Variants in SKA1 observed in about 807,000 individuals in gnomAD.
SKA1 encodes the protein SKA complex subunit 1.
Under a neutral mutation model 31.8 loss-of-function variants are expected in SKA1, and 20 were observed. The observed-to-expected ratio is 0.63, with a 90% CI of 0.44 to 0.91. SKA1 has a LOEUF of 0.91. SKA1 is among the 40% of genes least tolerant of loss of function. The pLI is 0.00. For missense variants in SKA1, 253 were observed against 298.2 expected (o/e 0.85, Z 1.12); for synonymous variants, 88 against 100.5 (o/e 0.88, Z 0.74).
At chr18:50,377,290 C>G (rs1250183584) in intron 2 of SKA1, among the ~76,000 whole-genome samples, 1 of 152,108 alleles carries the variant, frequency 6.6e-6, no homozygotes, top group Non-Finnish European at 1.5e-5. Context: ...AATGTTTCAG[C>G]TCCGTTATAA....
rs1225898562 is a variant in SKA1 at position 50,392,951 on chromosome 18, G to C, written c.*704G>C. Reference sequence around the variant, plus strand: ...TCACCGTGTTAGCCAGGATGGTCTCGATCTCCTGACCTCATGATCCGCCCA... The same window carrying C: ...TCACCGTGTTAGCCAGGATGGTCTCCATCTCCTGACCTCATGATCCGCCCA... On this transcript the variant is annotated 3_prime_UTR_variant, in exon 7 of 7. Coordinates refer to ENST00000285116, the MANE Select transcript of SKA1 (RefSeq NM_145060.4). 1 of 151,628 alleles carries C rather than the reference G, an allele frequency of 6.6e-6. No homozygotes were observed. The highest frequency in any genetic ancestry group is 1.5e-5 in the Non-Finnish European group (1 of 67,926). The allele number at this position is 151,628 out of a possible 1,614,324, so 9.4% of individuals were successfully genotyped here.
At chr18:50,375,464 T>C (rs2041206715) in intron 1 of SKA1, among the ~76,000 whole-genome samples, 1 of 152,312 alleles carries the variant, frequency 6.6e-6, no homozygotes, top group African/African-American at 2.4e-5. Flanking sequence ...TCTTTGACAG[T>C]GTAACACATT....
chr18:50,392,159 A>G lies in SKA1; in HGVS notation c.680A>G (p.Lys227Arg), dbSNP rs778126948. 4 of 1,610,392 alleles carry G rather than the reference A, an allele frequency of 2.5e-6. No homozygotes were observed. In the African/African-American group the frequency reaches 4.0e-5, roughly 16 times the overall value. The change falls in exon 7 of 7, where the codon AAG becomes AGG. Residue 227 changes from lysine (K) to arginine (R), a missense_variant. Physicochemically the swap from Lys to Arg is conservative, Grantham distance 26 (BLOSUM62 2). Transcript: ENST00000285116. ...TTCACAACTTTGAAAGCTGACAAGA[A>G]GTTTCACGTGTTACTGAATATTTTA... ...KEFTTLKADK[K>R]FHVLLNILRH...
intron 2 of SKA1, among the ~76,000 whole-genome samples, chr18:50,377,940 C>G (rs1168302056): frequency 1.3e-5 from 2 of 152,146 alleles, no homozygotes; most frequent in Non-Finnish European, 2.9e-5. Context: ...AAGGAGCCCC[C>G]TGACCTCACA....
intron 3 of SKA1, among the ~76,000 whole-genome samples, chr18:50,380,871 A>G (rs1190067291): frequency 6.6e-6 from 1 of 152,200 alleles, no homozygotes; most frequent in African/African-American, 2.4e-5. Flanking sequence ...ATTACCTCAC[A>G]TTGTTAGAGC....
chr18:50,390,738 A>G (rs902107698), intron 5 of SKA1, among the ~76,000 whole-genome samples: 2 of 152,124 alleles, frequency 1.3e-5, no homozygotes, highest in East Asian at 1.9e-4. Context: ...TAGTTTTTGT[A>G]TAGCACTAGA....
chr18:50,391,102 T>C, intron 5 of SKA1, 22 bp from the exon 6 acceptor site: 2 of 1,422,366 alleles, frequency 1.4e-6, no homozygotes, highest in South Asian at 1.5e-5. Flanking sequence ...AAAACAATAA[T>C]TAGCCATATA....
At position 50,381,675 on chromosome 18, in the gene SKA1, C is replaced by A. The variant is rs1306775278; in HGVS notation, c.214-454C>A. On this transcript the variant is annotated intron_variant, in intron 3 of 6. Coordinates refer to ENST00000285116, the MANE Select transcript of SKA1 (RefSeq NM_145060.4). ...GAAACCAATTTTTTATTGCTGGATTCATTGCTTTTTCACTTCATTCTGCAT... is the reference window on the plus strand; with the variant it reads ...GAAACCAATTTTTTATTGCTGGATTAATTGCTTTTTCACTTCATTCTGCAT... 2.0e-5 allele frequency among the ~76,000 whole-genome samples: 3 copies of A among 149,646 alleles called. No individual in the cohort carries two copies. In the East Asian group the frequency reaches 5.9e-4, roughly 29 times the overall value.
chr18:50,384,316 GTTTC>G (rs1338136733), intron 4 of SKA1, among the ~76,000 whole-genome samples: 4 of 152,088 alleles, frequency 2.6e-5, no homozygotes, highest in Non-Finnish European at 5.9e-5. Flanking sequence ...GCCCCCTACT[GTTTC>G]TTATATCTGG....
intron 3 of SKA1, 123 bp downstream of exon 3, chr18:50,380,373 G>T (rs577960217): frequency 6.7e-6 from 7 of 1,043,910 alleles, no homozygotes; most frequent in East Asian, 6.6e-5. Flanking sequence ...TAATGGTACA[G>T]TATGCCATTT....
At position 50,385,358 on chromosome 18, in the gene SKA1, GTATT is replaced by G; in HGVS notation, c.449+8_449+11del. The G allele has an allele frequency of 6.3e-7, 1 of 1,587,690 alleles. No homozygotes were observed. Among genetic ancestry groups the G allele is most frequent in the South Asian group, 1.2e-5 (1 of 85,626 alleles). On this transcript the variant is annotated splice_donor_region_variant and intron_variant, in intron 5 of 6. Coordinates refer to ENST00000285116, the MANE Select transcript of SKA1 (RefSeq NM_145060.4). The stretch of plus-strand genomic sequence containing the variant: ...TGAGTTCAATGGTGTTCCTTCGTAA[GTATT>G]TAAGATAAATAATGTTCAACCCCTT...
intron 5 of SKA1, among the ~76,000 whole-genome samples, chr18:50,385,573 G>A (rs2041300697): frequency 6.6e-6 from 1 of 152,138 alleles, no homozygotes; most frequent in Non-Finnish European, 1.5e-5. Flanking sequence ...CATTGCTTAA[G>A]TCCTCTGTTG....
chr18:50,384,639 T>C (rs922405345), intron 4 of SKA1, among the ~76,000 whole-genome samples: 2 of 141,696 alleles, frequency 1.4e-5, no homozygotes, highest in African/African-American at 5.5e-5. Context: ...AGACAAGCTG[T>C]TAAGGGGTTA....
chr18:50,376,643 A>T (rs1005446924), intron 2 of SKA1, among the ~76,000 whole-genome samples: 3 of 152,296 alleles, frequency 2.0e-5, no homozygotes, highest in Middle Eastern at 3.4e-3. Context: ...AAATTTATAA[A>T]AAATGAAAAA....
At chr18:50,381,196 T>C (rs2041259053) in intron 3 of SKA1, among the ~76,000 whole-genome samples, 1 of 152,244 alleles carries the variant, frequency 6.6e-6, no homozygotes, top group Non-Finnish European at 1.5e-5. Flanking sequence ...CACATTGTGA[T>C]TGGGAGCCAG....
chr18:50,385,694 G>C (rs1401193790), intron 5 of SKA1, among the ~76,000 whole-genome samples: 1 of 152,218 alleles, frequency 6.6e-6, no homozygotes, highest in Non-Finnish European at 1.5e-5. Flanking sequence ...AGAATGGACA[G>C]TGTTGTGTTT....
At chr18:50,384,871 T>TAAAAAAAAAAAAAAAAAAGAAAA (rs2041292028) in intron 4 of SKA1, among the ~76,000 whole-genome samples, 1 of 82,598 alleles carries the variant, frequency 1.2e-5, no homozygotes, top group Non-Finnish European at 2.1e-5. Context: ...AAAAAAAAAT[T>TAAAAAAAAAAAAAAAAAAGAAAA]AAAAAAAAAA....
chr18:50,375,958 T>A (rs1434161455), intron 2 of SKA1, 40 bp downstream of exon 2: 1 of 1,278,082 alleles, frequency 7.8e-7, no homozygotes, highest in African/African-American at 1.5e-5. Context: ...ATATACAAAA[T>A]GCATTTTGAT....
intron 5 of SKA1, among the ~76,000 whole-genome samples, chr18:50,385,815 G>A (rs1568330179): frequency 1.3e-5 from 2 of 152,182 alleles, no homozygotes; most frequent in South Asian, 2.1e-4. Context: ...CCCCCAAAGA[G>A]GGGGGCGGGT....
Sources: gnomAD v4.1 joint callset for allele counts (sites outside exome capture counted in the v4.1 genomes callset) on GRCh38, gnomAD v4.1.1 for gene constraint, MANE v1.5 for transcripts, NCBI Gene and HGNC (gene_info 2026-07-23, HGNC 2026-07-21) for gene names.